The following NFIB variants were observed in gnomAD, a reference collection of about 807,000 sequenced individuals.
The protein encoded by NFIB is nuclear factor I B.
A neutral mutation model predicts 61.5 loss-of-function variants in NFIB; 11 were observed. The observed-to-expected ratio is 0.18, with a 90% CI of 0.11 to 0.30. The LOEUF is 0.30. Ranked by LOEUF, NFIB falls within the 10% of genes least tolerant of loss-of-function variation. The probability of loss-of-function intolerance (pLI) is 1.00; values close to 1 mark genes in which losing one functional copy is unlikely to be tolerated. For missense variants in NFIB, 471 were observed against 608.9 expected (o/e 0.77, Z 2.38); for synonymous variants, 260 against 216.5 (o/e 1.20, Z -1.76).
the NFIB span, among the ~76,000 whole-genome samples, chr9:14,485,287 G>A: frequency 6.6e-6 from 1 of 152,082 alleles, no homozygotes; most frequent in East Asian, 1.9e-4. Context: ...GTAGTTCTTG[G>A]GTTGAAAGCC....
intron 2 of NFIB, among the ~76,000 whole-genome samples, chr9:14,281,603 T>C (rs1156688704): frequency 6.6e-6 from 1 of 152,230 alleles, no homozygotes; most frequent in Admixed American, 6.5e-5. Flanking sequence ...ATTACAGTTG[T>C]TGGCTTTTGA....
At chr9:14,385,679 CACAATTTATATATTTGTA>C (rs557424434) in intron 1 of NFIB, among the ~76,000 whole-genome samples, 38 of 152,198 alleles carry the variant, frequency 2.5e-4, no homozygotes, top group Non-Finnish European at 4.4e-4. Flanking sequence ...TGAGCATGAG[CACAATTTATATATTTGTA>C]ATCTTTTATA....
At chr9:14,132,061 A>T (rs1197258906) in intron 6 of NFIB, among the ~76,000 whole-genome samples, 1 of 152,200 alleles carries the variant, frequency 6.6e-6, no homozygotes, top group African/African-American at 2.4e-5. Flanking sequence ...TTTCTTCCCT[A>T]TAGTAACACA....
chr9:14,404,743 G>T, the NFIB span, among the ~76,000 whole-genome samples: 1 of 152,160 alleles, frequency 6.6e-6, no homozygotes, highest in African/African-American at 2.4e-5. Flanking sequence ...AAGAGACTAG[G>T]ACCATGGAGA....
intron 6 of NFIB, among the ~76,000 whole-genome samples, chr9:14,134,924 AATTGAAGGAT>A (rs2040862388): frequency 6.9e-6 from 1 of 145,076 alleles, no homozygotes; most frequent in Non-Finnish European, 1.5e-5. Context: ...AAAAAAAGGA[AATTGAAGGAT>A]ATGGTAAAAT....
the NFIB span, among the ~76,000 whole-genome samples, chr9:14,414,608 A>T: frequency 6.7e-6 from 1 of 149,898 alleles, no homozygotes; most frequent in South Asian, 2.1e-4. Flanking sequence ...AACGGAGTTC[A>T]TAATAGTGCC....
chr9:14,453,443 T>A, the NFIB span, among the ~76,000 whole-genome samples: 26,768 of 152,212 alleles, frequency 0.18, 2,576 homozygotes, highest in East Asian at 0.34. Context: ...GCTTAAGATC[T>A]AATCATCTAC....
chr9:14,091,032 T>C (rs557640059), intron 10 of NFIB, among the ~76,000 whole-genome samples: 172 of 152,170 alleles, frequency 1.1e-3, no homozygotes, highest in African/African-American at 3.9e-3. Flanking sequence ...TTTAAATGTT[T>C]ATTTAAATCT....
the NFIB span, among the ~76,000 whole-genome samples, chr9:14,484,508 C>G: frequency 2.0e-5 from 3 of 152,076 alleles, no homozygotes; most frequent in African/African-American, 7.2e-5. Context: ...GTAACCAGAA[C>G]ATTTTTTAGG....
intron 3 of NFIB, among the ~76,000 whole-genome samples, chr9:14,165,886 T>C (rs144286793): frequency 2.3e-4 from 35 of 152,304 alleles, no homozygotes; most frequent in African/African-American, 5.8e-4. Flanking sequence ...TTAACAGGTA[T>C]TGAGTTTCAG....
chr9:14,164,149 T>G (rs10961398), intron 3 of NFIB, among the ~76,000 whole-genome samples: 9,816 of 151,670 alleles, frequency 0.065, 912 homozygotes, highest in African/African-American at 0.21. Context: ...ATAAAACAAA[T>G]GACTCTCTAA....
At chr9:14,413,357 A>G in the NFIB span, among the ~76,000 whole-genome samples, 2 of 152,190 alleles carry the variant, frequency 1.3e-5, no homozygotes, top group Non-Finnish European at 2.9e-5. Context: ...GGTCTAGCTC[A>G]TGATCATTTG....
chr9:14,216,538 CTCTCCCTCTGTGTGTGTG>C lies in NFIB; in HGVS notation c.563-36776_563-36759del, dbSNP rs1174846921. Among the ~76,000 whole-genome samples, 35 of 30,608 alleles carry C rather than the reference CTCTCCCTCTGTGTGTGTG, an allele frequency of 1.1e-3. 1 individual carries two copies. The highest frequency in any genetic ancestry group is 3.8e-3 in the African/African-American group (24 of 6,300). The allele number at this position is 30,608 out of a possible 152,430, so 20.1% of individuals were successfully genotyped here. A position where few individuals can be genotyped will look rare whatever the true frequency, so the allele number is the denominator to read the frequency against. On this transcript the variant is annotated intron_variant, in intron 2 of 10. Transcript: ENST00000380953. ...TCTCTCTCTCTCTCTCTCTCTCTCT[CTCTCCCTCTGTGTGTGTG>C]TGTGTGTGTGTGTGTGTGTGTGTGT...
At chr9:14,510,864 A>G in the NFIB span, among the ~76,000 whole-genome samples, 1 of 152,118 alleles carries the variant, frequency 6.6e-6, no homozygotes, top group African/African-American at 2.4e-5. Flanking sequence ...TACCTTTTTG[A>G]AAAGAAAAGA....
At chr9:14,161,675 T>C (rs1173941484) in intron 3 of NFIB, among the ~76,000 whole-genome samples, 5 of 152,130 alleles carry the variant, frequency 3.3e-5, no homozygotes, top group Admixed American at 2.6e-4. Context: ...ATTCCATTGT[T>C]TGGCATTTTA....
intron 10 of NFIB, among the ~76,000 whole-genome samples, chr9:14,091,659 T>C (rs1399821516): frequency 1.3e-5 from 2 of 152,044 alleles, no homozygotes. Flanking sequence ...ATTTCCTTTG[T>C]TTTAATCAAA....
At chr9:14,331,345 G>T (rs2060818780) in intron 1 of NFIB, among the ~76,000 whole-genome samples, 1 of 152,190 alleles carries the variant, frequency 6.6e-6, no homozygotes, top group Non-Finnish European at 1.5e-5. Flanking sequence ...ACTACTAGAT[G>T]AATGGGGCCC....
the NFIB span, among the ~76,000 whole-genome samples, chr9:14,437,121 C>G: frequency 1.3e-5 from 2 of 152,166 alleles, no homozygotes; most frequent in Admixed American, 1.3e-4. Flanking sequence ...TCTCTATTTC[C>G]TCATCAGAAA....
chr9:14,470,853 C>T, the NFIB span, among the ~76,000 whole-genome samples: 28 of 152,254 alleles, frequency 1.8e-4, no homozygotes, highest in Non-Finnish European at 3.8e-4. Flanking sequence ...CCATTTCACC[C>T]TCATAGGCCT....
Sources: gnomAD v4.1 joint callset for allele counts (sites outside exome capture counted in the v4.1 genomes callset) on GRCh38, gnomAD v4.1.1 for gene constraint, MANE v1.5 for transcripts, NCBI Gene and HGNC (gene_info 2026-07-23, HGNC 2026-07-21) for gene names.